Variants in FAM20A observed in about 807,000 individuals in gnomAD.
FAM20A encodes the protein pseudokinase FAM20A.
Under a neutral mutation model 52.0 loss-of-function variants are expected in FAM20A, and 42 were observed. The observed-to-expected ratio is 0.81, with a 90% confidence interval of 0.63 to 1.04. FAM20A has a LOEUF of 1.04. Among genes scored for constraint, FAM20A ranks in the 50% least tolerant of loss-of-function variants. The pLI, the probability that FAM20A is intolerant of heterozygous loss-of-function variation, is 0.00. For synonymous variants in FAM20A, 304 were observed against 298.9 expected, an observed-to-expected ratio of 1.02 and a Z score of -0.18; for missense variants, 742 against 712.7, an observed-to-expected ratio of 1.04 and a Z score of -0.47.
At chr17:68,596,300 G>A (rs1176717658) in intron 1 of FAM20A, among the ~76,000 whole-genome samples, 3 of 152,090 alleles carry the variant, frequency 2.0e-5, no homozygotes, top group Non-Finnish European at 4.4e-5. Context: ...AGAAAGAAAA[G>A]CAAAAACTCA....
chr17:68,576,603 G>C (rs2087775761), intron 1 of FAM20A, among the ~76,000 whole-genome samples: 1 of 152,176 alleles, frequency 6.6e-6, no homozygotes, highest in South Asian at 2.1e-4. Context: ...GCTCAGTCTG[G>C]GCAGGGAGAT....
At chr17:68,549,585 C>T (rs939104049) in intron 4 of FAM20A, among the ~76,000 whole-genome samples, 2 of 151,464 alleles carry the variant, frequency 1.3e-5, no homozygotes, top group African/African-American at 2.4e-5. Context: ...ATTTGTGGTG[C>T]GTTTGCAGAT....
At chr17:68,586,183 T>C (rs2088160129) in intron 1 of FAM20A, among the ~76,000 whole-genome samples, 1 of 152,240 alleles carries the variant, frequency 6.6e-6, no homozygotes, top group African/African-American at 2.4e-5. Flanking sequence ...TCAACCATTT[T>C]ATATTGTGAT....
At position 68,600,704 on chromosome 17, in the gene FAM20A, C is replaced by T; in HGVS notation, c.-38G>A. On this transcript the variant is annotated 5_prime_UTR_variant, in exon 1 of 11. Transcript: ENST00000592554. This position sits in a 1 kb window ranked among gnomAD's most constrained non-coding sequence, Gnocchi z 6.2. ...AAGGGGGACGCCGGGGGCAGGCCGG[C>T]TGTCTCCGGGGTCCCGGGAGGGGTC... 8.5e-6 allele frequency: 13 copies of T among 1,525,788 alleles called. No homozygotes were observed. Among genetic ancestry groups the T allele is most frequent in the Non-Finnish European group, 1.1e-5 (13 of 1,142,722 alleles). 94.5% of individuals were successfully genotyped at this position (1,525,788 alleles called of 1,614,324 possible).
chr17:68,564,309 A>G (rs2087310456), intron 1 of FAM20A, among the ~76,000 whole-genome samples: 1 of 152,232 alleles, frequency 6.6e-6, no homozygotes, highest in Non-Finnish European at 1.5e-5. Context: ...AATTAAGTGC[A>G]GTAATATTCA....
At chr17:68,540,502 G>T in intron 8 of FAM20A, 1 of 477,416 alleles carries the variant, frequency 2.1e-6, no homozygotes, top group Non-Finnish European at 4.1e-6. Flanking sequence ...GGCCTCGCCT[G>T]AGGCCCTCCC....
At chr17:68,572,437 A>G (rs2087590629) in intron 1 of FAM20A, among the ~76,000 whole-genome samples, 2 of 152,270 alleles carry the variant, frequency 1.3e-5, no homozygotes, top group African/African-American at 4.8e-5. Context: ...GACTTTCTTG[A>G]TTCTTCTAAC....
chr17:68,543,114 G>A (rs2086383529), intron 5 of FAM20A, among the ~76,000 whole-genome samples: 1 of 152,152 alleles, frequency 6.6e-6, no homozygotes, highest in Non-Finnish European at 1.5e-5. Flanking sequence ...GTTCCTGTGA[G>A]TCACCTGGCA....
chr17:68,581,390 C>CTTTCTTTCTT lies in FAM20A; in HGVS notation c.404+18863_404+18872dup, dbSNP rs1555832080. Among the ~76,000 whole-genome samples the CTTTCTTTCTT allele has an allele frequency of 6.9e-5, 10 of 145,200 alleles. No homozygotes were observed. In the Admixed American group the frequency reaches 7.0e-4, roughly 10 times the overall value. The stretch of plus-strand genomic sequence containing the variant: ...TCTTTCTTTCTTTCTTTCTTTCTTT[C>CTTTCTTTCTT]TTTCTTTCTTTCTTTCTTTCTTTCT... On this transcript the variant is annotated intron_variant, in intron 1 of 10. Transcript: ENST00000592554.
At position 68,600,450 on chromosome 17, in the gene FAM20A, G is replaced by T. The variant is rs757582833; in HGVS notation, c.217C>A (p.Arg73=). Residue 73 remains arginine (R), a synonymous_variant, in exon 1 of 11, where the codon CGA becomes AGA. Transcript: ENST00000592554. This position sits in a 1 kb window ranked among gnomAD's most constrained non-coding sequence, Gnocchi z 6.2. ...GCCGGTTCAGTCCGGGGCTCGGTTC[G>T]GGAAAAGTTGTGCACGATCGTGCCG... The part of the protein sequence containing the change: ...DPGTIVHNFS[R]TEPRTEPAGG... The T allele has an allele frequency of 6.2e-7, 1 of 1,610,960 alleles. No individual in the cohort carries two copies. Among genetic ancestry groups the T allele is most frequent in the South Asian group, 1.1e-5 (1 of 90,464 alleles).
At chr17:68,571,983 CAT>C (rs2087553089) in intron 1 of FAM20A, among the ~76,000 whole-genome samples, 1 of 22,096 alleles carries the variant, frequency 4.5e-5, no homozygotes, top group African/African-American at 1.7e-4. Context: ...TGTGTATATA[CAT>C]ACATATATAT....
intron 1 of FAM20A, among the ~76,000 whole-genome samples, chr17:68,558,915 T>A (rs2087132595): frequency 6.6e-6 from 1 of 152,160 alleles, no homozygotes; most frequent in Non-Finnish European, 1.5e-5. Context: ...CATGCCACCA[T>A]GCCTGGCTAA....
intron 9 of FAM20A, 138 bp downstream of exon 9, chr17:68,539,747 G>C (rs1314299666): frequency 1.3e-6 from 1 of 789,960 alleles, no homozygotes; most frequent in Non-Finnish European, 2.2e-6. Flanking sequence ...GGAAATGGAA[G>C]AAGCCGGGCT....
At chr17:68,547,750 C>T (rs945806494) in intron 4 of FAM20A, among the ~76,000 whole-genome samples, 19 of 152,316 alleles carry the variant, frequency 1.2e-4, no homozygotes, top group African/African-American at 4.6e-4. Flanking sequence ...CTTAAACTTG[C>T]TCCGTATCAG....
intron 4 of FAM20A, among the ~76,000 whole-genome samples, chr17:68,545,070 T>C (rs937303845): frequency 6.6e-6 from 1 of 152,214 alleles, no homozygotes; most frequent in Non-Finnish European, 1.5e-5. Flanking sequence ...ATTCTCTCTT[T>C]AATCAGAAAA....
chr17:68,550,361 TGGG>T (rs1346617547), intron 4 of FAM20A, among the ~76,000 whole-genome samples: 2 of 130,786 alleles, frequency 1.5e-5, no homozygotes, highest in African/African-American at 2.8e-5. Context: ...ATAGGAAAAA[TGGG>T]GGAACTTTTT....
chr17:68,541,202 C>T, intron 7 of FAM20A: 2 of 514,744 alleles, frequency 3.9e-6, no homozygotes, highest in South Asian at 2.0e-5. Context: ...ATACTGTGTG[C>T]CAGAGGGGAG....
At chr17:68,553,090 G>A (rs116719337) in intron 3 of FAM20A, among the ~76,000 whole-genome samples, 6 of 152,088 alleles carry the variant, frequency 3.9e-5, no homozygotes, top group Non-Finnish European at 8.8e-5. Flanking sequence ...AATTGCTGAG[G>A]GAGGGATGCT....
chr17:68,545,281 G>A (rs1439614865), intron 4 of FAM20A, among the ~76,000 whole-genome samples: 1 of 152,190 alleles, frequency 6.6e-6, no homozygotes, highest in Non-Finnish European at 1.5e-5. Context: ...TCGGAAAAAA[G>A]CTGGCTAGTT....
Sources: gnomAD v4.1 joint callset for allele counts (sites outside exome capture counted in the v4.1 genomes callset) on GRCh38, gnomAD v4.1.1 for gene constraint, Gnocchi (gnomAD v3.1) non-coding constraint, MANE v1.5 for transcripts, NCBI Gene and HGNC (gene_info 2026-07-23, HGNC 2026-07-21) for gene names.